Variants in PALM observed in about 807,000 individuals in gnomAD.
PALM encodes paralemmin.
PALM carries 18 observed loss-of-function variants against 30.7 expected under a neutral mutation model. The ratio of observed to expected loss-of-function variants is 0.59; its 90% CI spans 0.41 to 0.87. The LOEUF (loss-of-function observed/expected upper bound fraction) is 0.87. Ranked by LOEUF, PALM falls within the 40% of genes least tolerant of loss-of-function variation. PALM has a pLI of 0.00. For synonymous variants in PALM, 286 were observed against 242.8 expected, an observed-to-expected ratio of 1.18 and a Z score of -1.66; for missense variants, 529 against 555.4, an observed-to-expected ratio of 0.95 and a Z score of 0.48.
intron 2 of PALM, 40 bp downstream of exon 2, chr19:726,229 G>A: frequency 3.2e-6 from 5 of 1,574,612 alleles, no homozygotes; most frequent in Non-Finnish European, 4.4e-6. Context: ...GGTCAGGGTG[G>A]GGAAGTGGGG....
At chr19:714,325 C>T (rs1035107523) in intron 1 of PALM, among the ~76,000 whole-genome samples, 1 of 151,276 alleles carries the variant, frequency 6.6e-6, no homozygotes, top group Admixed American at 6.6e-5. Context: ...CACGCATGAG[C>T]CACCGCGCCC....
intron 8 of PALM, among the ~76,000 whole-genome samples, chr19:745,564 G>A (rs377298575): frequency 6.0e-5 from 9 of 151,184 alleles, no homozygotes; most frequent in East Asian, 2.0e-4. Flanking sequence ...GCATGTTGGT[G>A]CATGCCTGTA....
At chr19:735,951 T>C in intron 6 of PALM, 68 bp from the exon 7 acceptor site, 2 of 1,353,348 alleles carry the variant, frequency 1.5e-6, no homozygotes, top group Non-Finnish European at 2.1e-6. Context: ...GGCGTTGGGC[T>C]GTCTGGGGGG....
chr19:712,691 T>C (rs560764165), intron 1 of PALM, among the ~76,000 whole-genome samples: 5 of 148,154 alleles, frequency 3.4e-5, no homozygotes, highest in Admixed American at 1.3e-4. Context: ...TTTTTTTTTA[T>C]TGGAGACAGA....
At position 711,870 on chromosome 19, in the gene PALM, T is replaced by A. The variant is rs564551171; in HGVS notation, c.5+2719T>A. 1.2e-3 allele frequency among the ~76,000 whole-genome samples: 189 copies of A among 152,254 alleles called. 1 individual carries two copies. Among genetic ancestry groups the A allele is most frequent in the Non-Finnish European group, 1.4e-3 (97 of 68,024 alleles). ...CCTGGGCTCAAGCGACTTCCCTGCC[T>A]CAGCCTCCCAAGTAGCTGGGACGAC... On this transcript the variant is annotated intron_variant, in intron 1 of 8. Coordinates refer to ENST00000338448, the MANE Select transcript of PALM (RefSeq NM_002579.3).
intron 1 of PALM, chr19:719,571 G>A (rs1451085679): frequency 1.0e-6 from 1 of 986,574 alleles, no homozygotes; most frequent in South Asian, 4.7e-5. Context: ...CCCAGCACCT[G>A]CCCTGGGACC....
chr19:709,093 A>ACCCGCG lies in PALM; in HGVS notation c.-48_-43dup. On this transcript the variant is annotated 5_prime_UTR_variant, in exon 1 of 9. Coordinates refer to ENST00000338448, the MANE Select transcript of PALM (RefSeq NM_002579.3). This position sits in a 1 kb window ranked among gnomAD's most constrained non-coding sequence, Gnocchi z 4.3. ...CCTCCCCTCCCCTCCCCCGCGCGCC[A>ACCCGCG]CCCGCGCCCGCCCCCGCCCGGCACC... The ACCCGCG allele has an allele frequency of 4.1e-6, 1 of 242,768 alleles. No individual in the cohort carries two copies. 15.0% of individuals were successfully genotyped at this position (242,768 alleles called of 1,614,324 possible). A position where few individuals can be genotyped will look rare whatever the true frequency, so the allele number is the denominator to read the frequency against.
rs10405836 is a variant in PALM, at chr19:731,077, G to C, written c.270-18G>C. The C allele has an allele frequency of 0.45, 689,088 of 1,526,176 alleles. 158,070 individuals carry two copies. The highest frequency in any genetic ancestry group is 0.6 in the African/African-American group (43,405 of 72,274). The allele number at this position is 1,526,176 out of a possible 1,614,324, so 94.5% of individuals were successfully genotyped here. On this transcript the variant is annotated intron_variant, in intron 4 of 8. Transcript: ENST00000338448. ...CGGGGATGCAGGAGTCACCCTCACAGGCACACCCTCTCCCCAGGTTGGAGA... is the reference window on the plus strand; with the variant it reads ...CGGGGATGCAGGAGTCACCCTCACACGCACACCCTCTCCCCAGGTTGGAGA...
chr19:724,625 A>G (rs1199470010), intron 1 of PALM, among the ~76,000 whole-genome samples: 1 of 145,600 alleles, frequency 6.9e-6, no homozygotes, highest in East Asian at 2.1e-4. Flanking sequence ...CCGGCCATTC[A>G]TTCATTTTTG....
At chr19:719,260 C>T (rs1043714692) in intron 1 of PALM, 21 of 985,404 alleles carry the variant, frequency 2.1e-5, no homozygotes, top group South Asian at 4.7e-5. Flanking sequence ...TTGGCCGTTG[C>T]GTAACCTCTC....
At chr19:735,961 G>T in intron 6 of PALM, 58 bp from the exon 7 acceptor site, 1 of 1,443,998 alleles carries the variant, frequency 6.9e-7, no homozygotes, top group Non-Finnish European at 9.6e-7. Flanking sequence ...TGTCTGGGGG[G>T]TCCATGTGAC....
intron 1 of PALM, chr19:722,360 A>T (rs2032518306): frequency 6.6e-6 from 1 of 152,262 alleles, no homozygotes; most frequent in Admixed American, 6.5e-5. Context: ...GACCACAGGG[A>T]CATACCACCA....
intron 4 of PALM, among the ~76,000 whole-genome samples, chr19:728,366 G>T (rs747895864): frequency 6.6e-6 from 1 of 152,222 alleles, no homozygotes; most frequent in African/African-American, 2.4e-5. Context: ...GCGGGAGGCC[G>T]GCCGGATCAC....
At chr19:731,424 C>T (rs372846386) in intron 5 of PALM, among the ~76,000 whole-genome samples, 179 bp downstream of exon 5, 28 of 152,306 alleles carry the variant, frequency 1.8e-4, no homozygotes, top group East Asian at 1.5e-3. Context: ...CACGTGGTTT[C>T]GCCTTGCTGG....
At chr19:737,409 CCCTTCACCCAGAATG>C (rs2033055212) in intron 7 of PALM, among the ~76,000 whole-genome samples, 2 of 152,242 alleles carry the variant, frequency 1.3e-5, no homozygotes. Flanking sequence ...AAACAGTCGT[CCCTTCACCCAGAATG>C]CCTTTCAAGC....
intron 7 of PALM, 86 bp from the exon 8 acceptor site, chr19:740,266 C>G: frequency 7.3e-7 from 1 of 1,363,564 alleles, no homozygotes; most frequent in Non-Finnish European, 1.0e-6. Context: ...GCGCTGCTGG[C>G]TCCCCCCTCC....
rs752773189 is a variant in PALM at position 742,873 on chromosome 19, G to A, written c.634+2390G>A. Among the ~76,000 whole-genome samples, 4 of 152,194 alleles carry A rather than the reference G, an allele frequency of 2.6e-5. No homozygotes were observed. Among genetic ancestry groups the A allele is most frequent in the East Asian group, 1.9e-4 (1 of 5,196 alleles). On this transcript the variant is annotated intron_variant, in intron 8 of 8. Transcript: ENST00000338448. The surrounding 1 kb of genome is among the most constrained non-coding windows in gnomAD (Gnocchi z 5.5). ...AGCATGCTGGGGAATTTGTGTGCAA[G>A]TATTTGTTCACGCCCCTGCTTTCGA...
Position 726,162 on chromosome 19 carries a change from C to T in PALM, c.30C>T (p.Ser10=), listed in dbSNP as rs776823830. Residue 10 remains serine (S), a synonymous_variant, in exon 2 of 9, where the codon TCC becomes TCT. Coordinates refer to ENST00000338448, the MANE Select transcript of PALM (RefSeq NM_002579.3). The stretch of plus-strand genomic sequence containing the variant: ...GGGTCCTGGCGGCAGAGACCACGTC[C>T]CAGCAGGAGCGGCTGCAGGCCATCG... MEVLAAETT[S]QQERLQAIAE... 1 of 1,613,280 alleles carries T rather than the reference C, an allele frequency of 6.2e-7. No homozygotes were observed. Among genetic ancestry groups the T allele is most frequent in the Non-Finnish European group, 8.5e-7 (1 of 1,179,780 alleles).
Position 709,312 on chromosome 19 carries a change from ACTCGGGCTGGGCCGCGC to A in PALM, c.5+164_5+180del, listed in dbSNP as rs1358569178. 6.6e-6 allele frequency among the ~76,000 whole-genome samples: 1 copy of A among 150,532 alleles called. No homozygotes were observed. Among genetic ancestry groups the A allele is most frequent in the Non-Finnish European group, 1.5e-5 (1 of 67,504 alleles). The stretch of plus-strand genomic sequence containing the variant: ...GGGGCCGCAGCGCAGCCGGGAAGAG[ACTCGGGCTGGGCCGCGC>A]CTGCCGGGAGGCCTCCCCGCTCCCG... On this transcript the variant is annotated intron_variant, in intron 1 of 8. Coordinates refer to ENST00000338448, the MANE Select transcript of PALM (RefSeq NM_002579.3). The surrounding 1 kb of genome is among the most constrained non-coding windows in gnomAD (Gnocchi z 4.3).
Sources: allele counts gnomAD v4.1 joint callset (sites outside exome capture counted in the v4.1 genomes callset), GRCh38; gene constraint gnomAD v4.1.1; non-coding constraint Gnocchi (gnomAD v3.1); transcripts MANE v1.5; gene names NCBI Gene and HGNC (gene_info 2026-07-23, HGNC 2026-07-21).